Variants in CCDC73 observed in about 807,000 individuals in gnomAD.
The protein encoded by CCDC73 is coiled-coil domain-containing protein 73.
In CCDC73, 95 loss-of-function variants were observed where a neutral mutation model predicts 116.5. The observed-to-expected ratio is 0.82, with a 90% confidence interval of 0.69 to 0.97. The LOEUF is 0.97. Ranked by LOEUF, CCDC73 falls within the 50% of genes least tolerant of loss-of-function variation. The probability of loss-of-function intolerance (pLI) is 0.00; values close to 1 mark genes in which losing one functional copy is unlikely to be tolerated. For synonymous variants in CCDC73, 398 were observed against 401.3 expected, an observed-to-expected ratio of 0.99 and a Z score of 0.10; for missense variants, 1,066 against 1,206.8, an observed-to-expected ratio of 0.88 and a Z score of 1.73.
chr11:32,676,401 A>C (rs1278813551), intron 7 of CCDC73, among the ~76,000 whole-genome samples: 1 of 152,254 alleles, frequency 6.6e-6, no homozygotes, highest in East Asian at 1.9e-4. Flanking sequence ...CATTTGAATA[A>C]TCAGGACCTA....
At chr11:32,787,856 T>C (rs568587306) in intron 1 of CCDC73, among the ~76,000 whole-genome samples, 29 of 152,308 alleles carry the variant, frequency 1.9e-4, no homozygotes, top group African/African-American at 6.5e-4. Context: ...ACAAGATTCA[T>C]TGAGAACATC....
At chr11:32,624,423 A>T (rs1855550776) in intron 14 of CCDC73, among the ~76,000 whole-genome samples, 1 of 152,218 alleles carries the variant, frequency 6.6e-6, no homozygotes, top group South Asian at 2.1e-4. Flanking sequence ...AGTTTATCCT[A>T]AAGAAATAGT....
intron 6 of CCDC73, 79 bp from the exon 7 acceptor site, chr11:32,683,653 C>T (rs1565075312): frequency 4.8e-6 from 4 of 840,552 alleles, no homozygotes; most frequent in Admixed American, 4.3e-5. Context: ...AAAGTGCGTG[C>T]TATAAAATGT....
At chr11:32,604,564 T>C (rs1380770538) in intron 17 of CCDC73, 1 of 152,226 alleles carries the variant, frequency 6.6e-6, no homozygotes, top group Non-Finnish European at 1.5e-5. Flanking sequence ...TGGGGTCATA[T>C]TTTTATTGGT....
At chr11:32,780,310 A>G (rs1319690693) in intron 1 of CCDC73, among the ~76,000 whole-genome samples, 1 of 151,882 alleles carries the variant, frequency 6.6e-6, no homozygotes, top group Admixed American at 6.6e-5. Flanking sequence ...ATAAAATAAC[A>G]TATTTACCTA....
At chr11:32,730,445 G>C (rs114438633) in intron 2 of CCDC73, among the ~76,000 whole-genome samples, 1 of 152,106 alleles carries the variant, frequency 6.6e-6, no homozygotes, top group Non-Finnish European at 1.5e-5. Flanking sequence ...TAGAATTCTA[G>C]GTTGGTAGTT....
chr11:32,715,494 ACACG>A (rs1323822717), intron 3 of CCDC73, among the ~76,000 whole-genome samples: 1 of 118,842 alleles, frequency 8.4e-6, no homozygotes, highest in African/African-American at 2.6e-5. Context: ...AAACTGATAC[ACACG>A]CACACACACA....
At chr11:32,827,339 G>A in the CCDC73 span, among the ~76,000 whole-genome samples, 3 of 152,150 alleles carry the variant, frequency 2.0e-5, no homozygotes, top group Admixed American at 6.5e-5. Flanking sequence ...TTGTGTGCAT[G>A]CTGCCAAATG....
intron 14 of CCDC73, among the ~76,000 whole-genome samples, chr11:32,623,167 T>C (rs1399817051): frequency 3.3e-5 from 5 of 151,762 alleles, no homozygotes; most frequent in Non-Finnish European, 7.4e-5. Flanking sequence ...CCCCCACATG[T>C]GGCTGATTTT....
rs199945438 is a variant in CCDC73, at chr11:32,786,370, TAATA to T, written c.-16+8239_-16+8242del. Among the ~76,000 whole-genome samples the T allele has an allele frequency of 4.4e-3, 474 of 108,914 alleles. 6 individuals carry two copies. Among genetic ancestry groups the T allele is most frequent in the Middle Eastern group, 9.7e-3 (2 of 206 alleles). 71.5% of individuals were successfully genotyped at this position (108,914 alleles called of 152,430 possible). On this transcript the variant is annotated intron_variant, in intron 1 of 17. Coordinates refer to ENST00000335185, the MANE Select transcript of CCDC73 (RefSeq NM_001008391.4). ...GTATTTATTATATAATTATAATATA[TAATA>T]AATATATTATTTATATAATTATAAT... is the stretch of plus-strand genomic sequence containing the variant.
At position 32,664,299 on chromosome 11, in the gene CCDC73, C is replaced by G. The variant is rs148784170; in HGVS notation, c.646-9327G>C. Among the ~76,000 whole-genome samples, 1,082 of 152,242 alleles carry G rather than the reference C, an allele frequency of 7.1e-3. 16 individuals are homozygous for G. Among genetic ancestry groups the G allele is most frequent in the African/African-American group, 0.025 (1,043 of 41,526 alleles). ...CCTCCGGTAGAATTTGGCTGTGAATCTGTCTGGTCCTGGACTTTTTTTGGT... is the reference window on the plus strand; with the variant it reads ...CCTCCGGTAGAATTTGGCTGTGAATGTGTCTGGTCCTGGACTTTTTTTGGT... On this transcript the variant is annotated intron_variant, in intron 9 of 17. Coordinates refer to ENST00000335185, the MANE Select transcript of CCDC73 (RefSeq NM_001008391.4).
intron 17 of CCDC73, among the ~76,000 whole-genome samples, chr11:32,606,600 A>G (rs1855353915): frequency 6.6e-6 from 1 of 152,188 alleles, no homozygotes; most frequent in Non-Finnish European, 1.5e-5. Flanking sequence ...ATATGCATCA[A>G]TCTTTCAGAA....
In CCDC73 at chr11:32,613,953, C is replaced by T. The variant is rs766197622; in HGVS notation, c.2365G>A (p.Ala789Thr). 8.1e-6 allele frequency: 13 copies of T among 1,611,084 alleles called. No individual in the cohort carries two copies. Among genetic ancestry groups the T allele is most frequent in the Non-Finnish European group, 9.3e-6 (11 of 1,179,906 alleles). ...TGAACAGCAGTTTTCACATCTTTGG[C>T]TTGTGAAGCATGACTATTCTCATTG... ...LNNENSHASQ[A>T]KDVKTAVHMK... Residue 789 changes from alanine (A) to threonine (T), a missense_variant, in exon 16 of 18, where the codon GCC (alanine) becomes ACC (threonine). Transcript: ENST00000335185.
At chr11:32,794,564 G>C (rs922845797) in intron 1 of CCDC73, 49 bp downstream of exon 1, 1 of 152,244 alleles carries the variant, frequency 6.6e-6, no homozygotes, top group South Asian at 2.1e-4. Flanking sequence ...AAAGATTAGG[G>C]CTGCTTCCTA....
chr11:32,662,069 C>T (rs966401827), intron 9 of CCDC73, among the ~76,000 whole-genome samples: 17 of 152,206 alleles, frequency 1.1e-4, no homozygotes, highest in Non-Finnish European at 2.5e-4. Flanking sequence ...CACATTTTCT[C>T]AATCCAGTCT....
chr11:32,767,995 G>T (rs531847882), intron 1 of CCDC73, among the ~76,000 whole-genome samples: 12 of 152,178 alleles, frequency 7.9e-5, no homozygotes, highest in South Asian at 4.1e-4. Context: ...GGATTATAAA[G>T]CATGCTGCTA....
In CCDC73 at chr11:32,687,959, G is replaced by A. The variant is rs140086959; in HGVS notation, c.391-4385C>T. Among the ~76,000 whole-genome samples, 101 of 151,978 alleles carry A rather than the reference G, an allele frequency of 6.6e-4. 2 individuals are homozygous for A. In the East Asian group the frequency reaches 0.019, roughly 29 times the overall value. On this transcript the variant is annotated intron_variant, in intron 6 of 17. Coordinates refer to ENST00000335185, the MANE Select transcript of CCDC73 (RefSeq NM_001008391.4). The stretch of plus-strand genomic sequence containing the variant: ...CAACCAGCTTGAATGGACTCCCACT[G>A]GCCAAACCAAGAATAATTTGATAAA...
At chr11:32,636,910 C>G (rs1462914180) in intron 13 of CCDC73, among the ~76,000 whole-genome samples, 3 of 151,952 alleles carry the variant, frequency 2.0e-5, no homozygotes, top group African/African-American at 4.8e-5. Flanking sequence ...CTCAATCTCT[C>G]ACACTACACC....
chr11:32,746,335 C>G (rs981783818), intron 2 of CCDC73, among the ~76,000 whole-genome samples: 29 of 152,290 alleles, frequency 1.9e-4, no homozygotes, highest in South Asian at 1.2e-3. Flanking sequence ...GTAACCCAAC[C>G]TTTCTTTCTG....
Sources: allele counts gnomAD v4.1 joint callset (sites outside exome capture counted in the v4.1 genomes callset), GRCh38; gene constraint gnomAD v4.1.1; transcripts MANE v1.5; gene names NCBI Gene and HGNC (gene_info 2026-07-23, HGNC 2026-07-21).